Variants in PPRC1 observed in about 807,000 individuals in gnomAD.
PPRC1 encodes the protein PPARG related coactivator 1, also known as peroxisome proliferator-activated receptor gamma coactivator-related protein 1.
In PPRC1, 23 loss-of-function variants were observed where a neutral mutation model predicts 132.5. The ratio of observed to expected loss-of-function variants is 0.17; its 90% confidence interval spans 0.12 to 0.25. The LOEUF (loss-of-function observed/expected upper bound fraction) is 0.25. Ranked by LOEUF, PPRC1 falls within the 10% of genes least tolerant of loss-of-function variation. PPRC1 has a pLI of 1.00. For synonymous variants in PPRC1, 872 were observed against 833.5 expected (o/e 1.05, Z -0.80); for missense variants, 2,006 against 2,089.1 (o/e 0.96, Z 0.78).
Position 102,140,261 on chromosome 10 carries a change from A to G in PPRC1, c.1753A>G (p.Met585Val), listed in dbSNP as rs778415640. 12 of 1,614,060 alleles carry G rather than the reference A, an allele frequency of 7.4e-6. No individual in the cohort carries two copies. Among genetic ancestry groups the G allele is most frequent in the Middle Eastern group, 3.3e-4 (2 of 6,084 alleles). ...GGTCGACTCTGCCCAAGCCAGCCCCATGCCAGTTGACTCTGTTGAAGCTGA... is the reference window on the plus strand; with the variant it reads ...GGTCGACTCTGCCCAAGCCAGCCCCGTGCCAGTTGACTCTGTTGAAGCTGA... ...SLVDSAQASP[M>V]PVDSVEADPT... The change falls in exon 5 of 14, where the codon ATG becomes GTG. Residue 585 changes from methionine (M) to valine (V), a missense_variant. This residue lies in a region of PPRC1 where 1,914 missense variants were observed against 1,917.2 expected (regional missense o/e 1.00). Coordinates refer to ENST00000278070, the MANE Select transcript of PPRC1 (RefSeq NM_015062.5).
chr10:102,119,968 C>G, the PPRC1 span: 5 of 731,600 alleles, frequency 6.8e-6, no homozygotes, highest in Admixed American at 3.9e-5. Flanking sequence ...GCCCTTCCAG[C>G]CCCCGGCTTC....
chr10:102,133,855 A>G (rs1443068504), intron 1 of PPRC1, among the ~76,000 whole-genome samples: 4 of 150,496 alleles, frequency 2.7e-5, no homozygotes, highest in African/African-American at 7.3e-5. Context: ...AAGGGCTGCT[A>G]GAGTCAACTT....
In PPRC1 at chr10:102,148,870, A is replaced by C; in HGVS notation, c.4671A>C (p.Ser1557=). ...IGKIPGRMTR[S]ELKQRFSVFG... Reference sequence around the variant, plus strand: ...AGATACCTGGCCGCATGACTCGATCAGAGCTGAAACAGAGGTTCTCCGTTT... The same window carrying C: ...AGATACCTGGCCGCATGACTCGATCCGAGCTGAAACAGAGGTTCTCCGTTT... The change falls in exon 12 of 14, where the codon TCA becomes TCC. Residue 1557 remains serine (S), a synonymous_variant. Coordinates refer to ENST00000278070, the MANE Select transcript of PPRC1 (RefSeq NM_015062.5). This position sits in a 1 kb window ranked among gnomAD's most constrained non-coding sequence, Gnocchi z 4.2. 6.2e-7 allele frequency: 1 copy of C among 1,614,190 alleles called. No homozygotes were observed. Among genetic ancestry groups the C allele is most frequent in the South Asian group, 1.1e-5 (1 of 91,082 alleles).
chr10:102,140,524 C>A lies in PPRC1; in HGVS notation c.2016C>A (p.Asp672Glu). Reference sequence around the variant, plus strand: ...CACCAGTTGATCTAGCACTGGTTGACCCTGTTCCTAATGACCTGACTCCAG... The same window carrying A: ...CACCAGTTGATCTAGCACTGGTTGAACCTGTTCCTAATGACCTGACTCCAG... The part of the protein sequence containing the change: ...GPAPVDLALV[D>E]PVPNDLTPVD... The change falls in exon 5 of 14, where the codon GAC becomes GAA. Residue 672 changes from aspartate (D) to glutamate (E), a missense_variant. Transcript: ENST00000278070. 6.2e-7 allele frequency: 1 copy of A among 1,614,134 alleles called. No homozygotes were observed. Among genetic ancestry groups the A allele is most frequent in the Non-Finnish European group, 8.5e-7 (1 of 1,180,024 alleles).
At position 102,147,410 on chromosome 10, in the gene PPRC1, T is replaced by C. The variant is rs754762081; in HGVS notation, c.4400+18T>C. ...TGGCGAAGGTGAGCTTTGATGGCCC[T>C]GTAGGTCCTCTCCATTTAGGAAGTT... On this transcript the variant is annotated intron_variant, in intron 9 of 13. Coordinates refer to ENST00000278070, the MANE Select transcript of PPRC1 (RefSeq NM_015062.5). The C allele has an allele frequency of 4.4e-6, 7 of 1,584,462 alleles. No individual in the cohort carries two copies. The highest frequency in any genetic ancestry group is 1.3e-5 in the African/African-American group (1 of 74,340).
Position 102,140,655 on chromosome 10 carries a change from T to C in PPRC1, c.2147T>C (p.Leu716Ser). 6.2e-7 allele frequency: 1 copy of C among 1,614,070 alleles called. No individual in the cohort carries two copies. The highest frequency in any genetic ancestry group is 8.5e-7 in the Non-Finnish European group (1 of 1,180,006). Residue 716 changes from leucine (L) to serine (S), a missense_variant, in exon 5 of 14, where the codon TTG becomes TCG. Leu to Ser is a moderately radical substitution (Grantham distance 145). Around this residue, in one of 2 missense-constraint regions of PPRC1, gnomAD observed 1,914 missense variants for 1,917.2 expected, o/e 1.00. Coordinates refer to ENST00000278070, the MANE Select transcript of PPRC1 (RefSeq NM_015062.5). ...CAGCTCCTCGTGGAGTCAGAGTCCT[T>C]GGACCCACCAAAGACCATCATCCCT... is the stretch of plus-strand genomic sequence containing the variant. ...APQLLVESES[L>S]DPPKTIIPEV...
At position 102,148,220 on chromosome 10, in the gene PPRC1, C is replaced by T. The variant is rs1009339488; in HGVS notation, c.4401-152C>T. 1.5e-5 allele frequency: 13 copies of T among 862,508 alleles called. No homozygotes were observed. The highest frequency in any genetic ancestry group is 1.5e-4 in the Admixed American group (6 of 40,806). 53.4% of individuals were successfully genotyped at this position (862,508 alleles called of 1,614,324 possible). ...ATGAAGGGCCTCAGTTTGTTCATCT[C>T]TGAATGAAAATTGTTCTTCTAGACC... On this transcript the variant is annotated intron_variant, in intron 9 of 13. Transcript: ENST00000278070. The surrounding 1 kb of genome is among the most constrained non-coding windows in gnomAD (Gnocchi z 4.2).
chr10:102,149,787 G>T, intron 13 of PPRC1, 139 bp from the exon 14 acceptor site: 1 of 686,046 alleles, frequency 1.5e-6, no homozygotes, highest in East Asian at 2.6e-5. Flanking sequence ...GGGGACTGGG[G>T]ACTCTCCTAT....
chr10:102,124,419 A>G, the PPRC1 span, among the ~76,000 whole-genome samples: 1 of 151,726 alleles, frequency 6.6e-6, no homozygotes, highest in Admixed American at 6.6e-5. Context: ...GCTGGAGTGC[A>G]GTGGTGCAAT....
At chr10:102,120,298 G>A in the PPRC1 span, 1 of 984,318 alleles carries the variant, frequency 1.0e-6, no homozygotes, top group South Asian at 4.7e-5. Context: ...GGAGCAGACA[G>A]GAAGGAAGCC....
Position 102,133,289 on chromosome 10 carries a change from G to A in PPRC1, c.153+68G>A, listed in dbSNP as rs552999885. The A allele has an allele frequency of 9.2e-6, 11 of 1,197,778 alleles. No individual in the cohort carries two copies. In the Admixed American group the frequency reaches 2.9e-4, roughly 32 times the overall value. 74.2% of individuals were successfully genotyped at this position (1,197,778 alleles called of 1,614,324 possible). A position where few individuals can be genotyped will look rare whatever the true frequency, so the allele number is the denominator to read the frequency against. Reference sequence around the variant, plus strand: ...GTGTGCCGGGCGGTGACACGTGGACGCCACAGGAAAGAGAGGAAGCGCCTG... The same window carrying A: ...GTGTGCCGGGCGGTGACACGTGGACACCACAGGAAAGAGAGGAAGCGCCTG... On this transcript the variant is annotated intron_variant, in intron 1 of 13. Coordinates refer to ENST00000278070, the MANE Select transcript of PPRC1 (RefSeq NM_015062.5).
rs1171066198 is a variant in PPRC1 at position 102,141,693 on chromosome 10, C to T, written c.3185C>T (p.Ala1062Val). ...AAGGTGGAGGTCAAGCCAGTGCCTG[C>T]ATCTCCCCATCCGAAACACAAGGTG... ...PTKVEVKPVPASPHPKHKVSA... is the reference protein window; with the variant it reads ...PTKVEVKPVPVSPHPKHKVSA... The change falls in exon 5 of 14, where the codon GCA becomes GTA. Residue 1062 changes from alanine (A) to valine (V), a missense_variant. Physicochemically the swap from Ala to Val is moderately conservative, Grantham distance 64 (BLOSUM62 0). Coordinates refer to ENST00000278070, the MANE Select transcript of PPRC1 (RefSeq NM_015062.5). The T allele has an allele frequency of 6.2e-7, 1 of 1,614,022 alleles. No individual in the cohort carries two copies. The highest frequency in any genetic ancestry group is 8.5e-7 in the Non-Finnish European group (1 of 1,179,924).
chr10:102,133,738 C>T (rs930415895), intron 1 of PPRC1, among the ~76,000 whole-genome samples: 1 of 151,724 alleles, frequency 6.6e-6, no homozygotes, highest in Non-Finnish European at 1.5e-5. Context: ...CCCAGGCTGT[C>T]GGGCATCTAG....
intron 1 of PPRC1, 22 bp downstream of exon 1, chr10:102,133,243 C>G (rs537099374): frequency 2.8e-5 from 36 of 1,272,024 alleles, no homozygotes; most frequent in Non-Finnish European, 3.5e-5. Context: ...GCTGGCGGCC[C>G]GCGACAGGCA....
At position 102,141,774 on chromosome 10, in the gene PPRC1, G is replaced by T; in HGVS notation, c.3266G>T (p.Gly1089Val). ...MKALACVSAE[G>V]VTVEEPASER... Reference sequence around the variant, plus strand: ...GCTCTAGCATGTGTGTCTGCTGAAGGTGTGACTGTTGAGGAGCCTGCATCA... The same window carrying T: ...GCTCTAGCATGTGTGTCTGCTGAAGTTGTGACTGTTGAGGAGCCTGCATCA... Residue 1089 changes from glycine (G) to valine (V), a missense_variant, in exon 5 of 14, where the codon GGT (glycine) becomes GTT (valine). Gly to Val is a moderately radical substitution (Grantham distance 109). Transcript: ENST00000278070. 1 of 1,613,850 alleles carries T rather than the reference G, an allele frequency of 6.2e-7. No homozygotes were observed. The highest frequency in any genetic ancestry group is 8.5e-7 in the Non-Finnish European group (1 of 1,179,858).
Position 102,141,039 on chromosome 10 carries a change from C to G in PPRC1, c.2531C>G (p.Thr844Ser). 1 of 1,614,196 alleles carries G rather than the reference C, an allele frequency of 6.2e-7. No individual in the cohort carries two copies. Among genetic ancestry groups the G allele is most frequent in the Non-Finnish European group, 8.5e-7 (1 of 1,180,030 alleles). ...PVSKPVASSP[T>S]EQVPSQEMPL... ...AGCAAACCTGTGGCCTCATCTCCCA[C>G]TGAGCAGGTGCCATCCCAGGAGATG... The change falls in exon 5 of 14, where the codon ACT becomes AGT. Residue 844 changes from threonine to serine, a missense_variant. By Grantham distance (58) the Thr-to-Ser change is moderately conservative. Around this residue, in one of 2 missense-constraint regions of PPRC1, gnomAD observed 1,914 missense variants for 1,917.2 expected, o/e 1.00. Coordinates refer to ENST00000278070, the MANE Select transcript of PPRC1 (RefSeq NM_015062.5).
chr10:102,135,043 C>T (rs961894617), intron 1 of PPRC1, among the ~76,000 whole-genome samples: 9 of 152,210 alleles, frequency 5.9e-5, no homozygotes, highest in African/African-American at 2.2e-4. Context: ...TGGTAAACCA[C>T]ATAAACATGG....
intron 8 of PPRC1, among the ~76,000 whole-genome samples, chr10:102,146,373 C>G (rs529097559): frequency 1.3e-5 from 2 of 152,026 alleles, no homozygotes; most frequent in African/African-American, 4.8e-5. Context: ...AGGCAGTACT[C>G]GGGGGAAGGG....
chr10:102,135,361 T>C (rs897738616), intron 1 of PPRC1, among the ~76,000 whole-genome samples: 2 of 123,986 alleles, frequency 1.6e-5, no homozygotes, highest in Admixed American at 1.5e-4. Flanking sequence ...TTGTAAGCTA[T>C]ATATATATAT....
Sources: gnomAD v4.1 joint callset for allele counts (sites outside exome capture counted in the v4.1 genomes callset) on GRCh38, gnomAD v4.1.1 for gene constraint, gnomAD v4.1.1 regional missense constraint, Gnocchi (gnomAD v3.1) non-coding constraint, MANE v1.5 for transcripts, NCBI Gene and HGNC (gene_info 2026-07-23, HGNC 2026-07-21) for gene names.